EPHA3: variants seen among roughly 807,000 people sequenced by gnomAD.
EPHA3 encodes ephrin type-A receptor 3.
Under a neutral mutation model 107.1 loss-of-function variants are expected in EPHA3, and 42 were observed. That is an observed-to-expected ratio of 0.39 (90% confidence interval 0.31 to 0.51). The LOEUF (loss-of-function observed/expected upper bound fraction) is 0.51, where lower values mean the gene tolerates loss of function less well. Ranked by LOEUF, EPHA3 falls within the 20% of genes least tolerant of loss-of-function variation. The pLI is 0.78. For missense variants in EPHA3, 1,183 were observed against 1,211.2 expected (o/e 0.98, Z 0.35); for synonymous variants, 461 against 424.8 (o/e 1.09, Z -1.05).
intron 2 of EPHA3, among the ~76,000 whole-genome samples, chr3:89,144,652 T>G (rs1704496713): frequency 6.6e-6 from 1 of 151,816 alleles, no homozygotes; most frequent in African/African-American, 2.4e-5. Flanking sequence ...CTTGTTATTT[T>G]TACAATACCA....
intron 3 of EPHA3, among the ~76,000 whole-genome samples, chr3:89,281,960 T>A (rs1474779474): frequency 6.6e-6 from 1 of 152,226 alleles, no homozygotes; most frequent in Non-Finnish European, 1.5e-5. Flanking sequence ...TGGGCTGATG[T>A]GTCAGTTTCA....
intron 13 of EPHA3, among the ~76,000 whole-genome samples, chr3:89,447,657 T>C (rs749532058): frequency 1.3e-5 from 2 of 152,206 alleles, no homozygotes; most frequent in Non-Finnish European, 2.9e-5. Flanking sequence ...TGTGCTTTGA[T>C]TTATGCCATT....
intron 3 of EPHA3, among the ~76,000 whole-genome samples, chr3:89,310,392 T>C (rs1050202670): frequency 1.3e-5 from 2 of 152,064 alleles, no homozygotes; most frequent in African/African-American, 4.8e-5. Flanking sequence ...TTTTTTAAAG[T>C]TAGTATTGAT....
chr3:89,148,347 T>C lies in EPHA3; in HGVS notation c.153+21074T>C, dbSNP rs187400438. Among the ~76,000 whole-genome samples, 66 of 152,096 alleles carry C rather than the reference T, an allele frequency of 4.3e-4. 1 individual carries two copies. In the East Asian group the frequency reaches 0.011, roughly 26 times the overall value. The stretch of plus-strand genomic sequence containing the variant: ...AGTAGAGTTTATGAATTTACTGTTT[T>C]ACTGGAAAGAGTCTCTTCTTGGGTT... On this transcript the variant is annotated intron_variant, in intron 2 of 16. Transcript: ENST00000336596.
At chr3:89,148,550 G>C (rs903598927) in intron 2 of EPHA3, among the ~76,000 whole-genome samples, 12 of 151,822 alleles carry the variant, frequency 7.9e-5, no homozygotes, top group African/African-American at 2.7e-4. Flanking sequence ...GTTTTCTCTA[G>C]GTTTTTTCTT....
chr3:89,324,178 T>A lies in EPHA3; in HGVS notation c.815-16738T>A, dbSNP rs1220763144. Among the ~76,000 whole-genome samples, 219 of 146,552 alleles carry A rather than the reference T, an allele frequency of 1.5e-3. 1 individual carries two copies. Among genetic ancestry groups the A allele is most frequent in the Non-Finnish European group, 2.0e-3 (134 of 66,756 alleles). The stretch of plus-strand genomic sequence containing the variant: ...GTCTTTTTTTTTTTTTTTTTTTTTT[T>A]AATTTTTGAGACAACATCTCACTCT... On this transcript the variant is annotated intron_variant, in intron 3 of 16. Coordinates refer to ENST00000336596, the MANE Select transcript of EPHA3 (RefSeq NM_005233.6).
chr3:89,367,155 G>T (rs369088312), intron 5 of EPHA3, among the ~76,000 whole-genome samples: 1 of 150,692 alleles, frequency 6.6e-6, no homozygotes, highest in African/African-American at 2.4e-5. Context: ...AAGACTACCT[G>T]CCAATTAATA....
intron 5 of EPHA3, among the ~76,000 whole-genome samples, chr3:89,353,725 G>A (rs1317415207): frequency 2.0e-5 from 3 of 151,264 alleles, no homozygotes; most frequent in Non-Finnish European, 3.0e-5. Context: ...ACTGTAGAAT[G>A]AGCAATAAGC....
At chr3:89,325,638 C>T (rs1448061571) in intron 3 of EPHA3, among the ~76,000 whole-genome samples, 1 of 152,106 alleles carries the variant, frequency 6.6e-6, no homozygotes, top group Non-Finnish European at 1.5e-5. Flanking sequence ...TGCCTCAAGA[C>T]TTTTACCCTA....
At chr3:89,326,146 T>C (rs1413164401) in intron 3 of EPHA3, among the ~76,000 whole-genome samples, 16 of 151,794 alleles carry the variant, frequency 1.1e-4, no homozygotes, top group Admixed American at 2.0e-4. Flanking sequence ...TTATACAGAG[T>C]TGTCCCTTGG....
At chr3:89,287,448 C>A (rs535002884) in intron 3 of EPHA3, among the ~76,000 whole-genome samples, 1 of 152,090 alleles carries the variant, frequency 6.6e-6, no homozygotes, top group South Asian at 2.1e-4. Flanking sequence ...ATGATGGGGT[C>A]AATAAAAGCG....
At chr3:89,110,774 G>A (rs1208499529) in intron 1 of EPHA3, among the ~76,000 whole-genome samples, 1 of 151,906 alleles carries the variant, frequency 6.6e-6, no homozygotes, top group African/African-American at 2.4e-5. Flanking sequence ...ATGATTAATG[G>A]TAAACAGAAA....
intron 13 of EPHA3, among the ~76,000 whole-genome samples, chr3:89,444,084 T>A (rs1220268613): frequency 8.5e-5 from 13 of 152,140 alleles, no homozygotes. Flanking sequence ...CTCTCTGTAG[T>A]GAATGTGTAT....
chr3:89,286,278 A>C (rs1479512153), intron 3 of EPHA3, among the ~76,000 whole-genome samples: 1 of 151,344 alleles, frequency 6.6e-6, no homozygotes, highest in African/African-American at 2.4e-5. Context: ...TGAGTAAGAG[A>C]AGTGAGGCAG....
rs537411209 is a variant in EPHA3 at position 89,352,248 on chromosome 3, C to T, written c.1306+10158C>T. 1.3e-4 allele frequency among the ~76,000 whole-genome samples: 20 copies of T among 151,396 alleles called. 1 individual carries two copies. The highest frequency in any genetic ancestry group is 3.1e-4 in the African/African-American group (13 of 41,502). On this transcript the variant is annotated intron_variant, in intron 5 of 16. Coordinates refer to ENST00000336596, the MANE Select transcript of EPHA3 (RefSeq NM_005233.6). ...CCTCCTTCTTTTCCCCTTAGATAAA[C>T]GCCTTCCTTTCTTCTGGCTGAAAAT... is the stretch of plus-strand genomic sequence containing the variant.
At chr3:89,239,918 G>C (rs902985497) in intron 3 of EPHA3, among the ~76,000 whole-genome samples, 1 of 152,102 alleles carries the variant, frequency 6.6e-6, no homozygotes, top group Non-Finnish European at 1.5e-5. Flanking sequence ...GAGTGAATTG[G>C]TAATAAAGAG....
intron 3 of EPHA3, among the ~76,000 whole-genome samples, chr3:89,283,284 A>C (rs1374882683): frequency 6.6e-6 from 1 of 152,106 alleles, no homozygotes; most frequent in African/African-American, 2.4e-5. Context: ...ATGGAATTCT[A>C]AGTAGGTAGC....
intron 13 of EPHA3, among the ~76,000 whole-genome samples, chr3:89,436,211 G>A (rs551447582): frequency 6.6e-6 from 1 of 152,216 alleles, no homozygotes; most frequent in South Asian, 2.1e-4. Flanking sequence ...TTGTCTGTTT[G>A]TCAACCCAAA....
At chr3:89,216,428 GA>G (rs60727835) in intron 3 of EPHA3, among the ~76,000 whole-genome samples, 6,319 of 152,020 alleles carry the variant, frequency 0.042, 418 homozygotes, top group African/African-American at 0.14. Flanking sequence ...TTTTTTCTGT[GA>G]AGGGTGGGAT....
Sources: allele counts gnomAD v4.1 joint callset (sites outside exome capture counted in the v4.1 genomes callset), GRCh38; gene constraint gnomAD v4.1.1; transcripts MANE v1.5; gene names NCBI Gene and HGNC (gene_info 2026-07-23, HGNC 2026-07-21).